PRPF3: variants seen among roughly 807,000 people sequenced by gnomAD.
PRPF3 encodes U4/U6 small nuclear ribonucleoprotein Prp3.
In PRPF3, 3 loss-of-function variants were observed where a neutral mutation model predicts 89.2. The ratio of observed to expected loss-of-function variants is 0.03; its 90% CI spans 0.02 to 0.09. PRPF3 has a LOEUF of 0.09. PRPF3 is among the 10% of genes least tolerant of loss of function. The probability of loss-of-function intolerance (pLI) is 1.00; values close to 1 mark genes in which losing one functional copy is unlikely to be tolerated. For missense variants in PRPF3, 463 were observed against 828.8 expected (o/e 0.56, Z 5.42); for synonymous variants, 270 against 289.1 (o/e 0.93, Z 0.67).
chr1:150,352,971 A>G lies in PRPF3; in HGVS notation c.2044A>G (p.Thr682Ala). The stretch of plus-strand genomic sequence containing the variant: ...GCTGAGTGAATCTGTGTTAGAGTCC[A>G]CTGATTGAGACTACTGCAAGCCCTT... ...LALSESVLES[T>A]D is the part of the protein sequence containing the mutation. Residue 682 changes from threonine (T) to alanine (A), a missense_variant, in exon 16 of 16, where the codon ACT becomes GCT. Coordinates refer to ENST00000324862, the MANE Select transcript of PRPF3 (RefSeq NM_004698.4). 1 of 1,614,012 alleles carries G rather than the reference A, an allele frequency of 6.2e-7. No individual in the cohort carries two copies.
chr1:150,346,215 G>A (rs2102017178), intron 13 of PRPF3, 79 bp downstream of exon 13: 1 of 1,389,670 alleles, frequency 7.2e-7, no homozygotes, highest in East Asian at 2.3e-5. Flanking sequence ...GGAGAAAGGA[G>A]AAAAAGATCG....
At chr1:150,337,762 T>TCA (rs1553868450) in intron 7 of PRPF3, among the ~76,000 whole-genome samples, 40,538 of 110,078 alleles carry the variant, frequency 0.37, 7,834 homozygotes, top group South Asian at 0.53. Context: ...AGACTCCGTC[T>TCA]ACAAAAAAAA....
chr1:150,348,981 T>A (rs1198336742), intron 14 of PRPF3, 176 bp from the exon 15 acceptor site: 3 of 650,042 alleles, frequency 4.6e-6, no homozygotes, highest in Non-Finnish European at 8.2e-6. Flanking sequence ...TTAATATTAC[T>A]GCCTACTTGG....
intron 12 of PRPF3, among the ~76,000 whole-genome samples, chr1:150,344,932 G>A (rs1411392720): frequency 1.3e-5 from 2 of 150,722 alleles, no homozygotes; most frequent in Non-Finnish European, 3.0e-5. Context: ...AACATCCATG[G>A]AAGCATTACA....
At chr1:150,343,562 A>G in intron 10 of PRPF3, 110 bp downstream of exon 10, 1 of 1,420,278 alleles carries the variant, frequency 7.0e-7, no homozygotes, top group Non-Finnish European at 9.7e-7. Context: ...TCTAAGAATT[A>G]TTCTTGGGGT....
At position 150,323,738 on chromosome 1, in the gene PRPF3, A is replaced by T. The variant is rs991325134; in HGVS notation, c.-48-1157A>T. 1.7e-4 allele frequency among the ~76,000 whole-genome samples: 26 copies of T among 150,820 alleles called. 1 individual carries two copies. Among genetic ancestry groups the T allele is most frequent in the African/African-American group, 5.9e-4 (24 of 41,022 alleles). ...ATAATTACCTGTATGCAGAATTCCC[A>T]CTGGGATGAATATGACCACAGAGAA... On this transcript the variant is annotated intron_variant, in intron 1 of 15. Transcript: ENST00000324862.
intron 3 of PRPF3, among the ~76,000 whole-genome samples, chr1:150,326,682 C>CCA (rs1655750685): frequency 9.7e-4 from 1 of 1,030 alleles, no homozygotes; most frequent in Non-Finnish European, 1.8e-3. Context: ...GGCTATGGAA[C>CCA]TAAAAAAAAA....
At chr1:150,326,862 C>A (rs1446992097) in intron 3 of PRPF3, among the ~76,000 whole-genome samples, 1 of 152,010 alleles carries the variant, frequency 6.6e-6, no homozygotes, top group Non-Finnish European at 1.5e-5. Context: ...CCAGGAGTTA[C>A]AATTTAGAAG....
chr1:150,331,554 G>A (rs1332630355), intron 4 of PRPF3, among the ~76,000 whole-genome samples: 3 of 151,270 alleles, frequency 2.0e-5, no homozygotes, highest in African/African-American at 7.3e-5. Context: ...TACTAGAGAC[G>A]GTGTTTCACC....
At chr1:150,352,040 C>T (rs1185719387) in intron 15 of PRPF3, among the ~76,000 whole-genome samples, 2 of 152,150 alleles carry the variant, frequency 1.3e-5, no homozygotes, top group Admixed American at 6.6e-5. Flanking sequence ...ACTGCCATTG[C>T]TGCTGGTAAC....
rs977666439 is a variant in PRPF3 at position 150,330,015 on chromosome 1, C to G, written c.423+1549C>G. On this transcript the variant is annotated intron_variant, in intron 4 of 15. Transcript: ENST00000324862. Reference sequence around the variant, plus strand: ...CCTCAAGTGATCTGCCTACCTTGGCCTCCCAAATTGCTGGGATTATAGGCG... The same window carrying G: ...CCTCAAGTGATCTGCCTACCTTGGCGTCCCAAATTGCTGGGATTATAGGCG... 2.6e-5 allele frequency: 4 copies of G among 152,206 alleles called. No individual in the cohort carries two copies. The East Asian group carries it at 5.8e-4, about 22-fold the overall frequency. 9.4% of individuals were successfully genotyped at this position (152,206 alleles called of 1,614,324 possible). A position where few individuals can be genotyped will look rare whatever the true frequency, so the allele number is the denominator to read the frequency against.
At chr1:150,324,382 A>ATC (rs2101941545) in intron 1 of PRPF3, among the ~76,000 whole-genome samples, 1 of 152,320 alleles carries the variant, frequency 6.6e-6, no homozygotes, top group Non-Finnish European at 1.5e-5. Flanking sequence ...GATTTCATTG[A>ATC]TCAACTTAAG....
rs587704985 is a variant in PRPF3 at position 150,349,160 on chromosome 1, A to T, written c.1847A>T (p.Asp616Val). 2.9e-5 allele frequency: 46 copies of T among 1,613,278 alleles called. No individual in the cohort carries two copies. The South Asian group carries it at 4.7e-4, about 17-fold the overall frequency. Residue 616 changes from aspartate to valine, a missense_variant, in exon 15 of 16, where the codon GAT (aspartate) becomes GTT (valine). Around this residue, in one of 8 missense-constraint regions of PRPF3, gnomAD observed 78 missense variants for 96.6 expected, o/e 0.81. Transcript: ENST00000324862. The part of the protein sequence containing the change: ...EQTSNTKGDD[D>V]EESDEEAVKK... ...TGTAACAAGATTTCTCTTCCAGATG[A>T]TGAGGAGTCTGATGAGGAAGCTGTG...
At position 150,346,433 on chromosome 1, in the gene PRPF3, G is replaced by C. The variant is rs782387249; in HGVS notation, c.1785G>C (p.Lys595Asn). The C allele has an allele frequency of 6.2e-7, 1 of 1,614,012 alleles. No individual in the cohort carries two copies. The highest frequency in any genetic ancestry group is 1.1e-5 in the South Asian group (1 of 91,078). ...EGGPKAQKKF[K>N]RLMLHRIKWD... Reference sequence around the variant, plus strand: ...GCCCCAAGGCCCAGAAGAAATTTAAGCGTCTTATGCTGCATCGGATAAAGT... The same window carrying C: ...GCCCCAAGGCCCAGAAGAAATTTAACCGTCTTATGCTGCATCGGATAAAGT... Residue 595 changes from lysine to asparagine, a missense_variant, in exon 14 of 16, where the codon AAG (lysine) becomes AAC (asparagine). Physicochemically the swap from Lys to Asn is moderately conservative, Grantham distance 94. Coordinates refer to ENST00000324862, the MANE Select transcript of PRPF3 (RefSeq NM_004698.4).
rs1397128003 is a variant in PRPF3, at chr1:150,328,357, C to T, written c.314C>T (p.Ser105Leu). Reference protein sequence around the residue: ...FGDDSEISKESSGVKKRRIPR... With the variant: ...FGDDSEISKELSGVKKRRIPR... ...GATGACTCTGAGATCTCTAAAGAATCATCAGGAGTAAAGAAGCGACGAATA... is the reference window on the plus strand; with the variant it reads ...GATGACTCTGAGATCTCTAAAGAATTATCAGGAGTAAAGAAGCGACGAATA... The change falls in exon 4 of 16, where the codon TCA (serine) becomes TTA (leucine). Residue 105 changes from serine (S) to leucine (L), a missense_variant. Coordinates refer to ENST00000324862, the MANE Select transcript of PRPF3 (RefSeq NM_004698.4). 3 of 1,613,776 alleles carry T rather than the reference C, an allele frequency of 1.9e-6. No homozygotes were observed. The highest frequency in any genetic ancestry group is 2.5e-6 in the Non-Finnish European group (3 of 1,180,012).
chr1:150,342,826 A>T (rs1284394905), intron 9 of PRPF3, among the ~76,000 whole-genome samples: 12 of 151,948 alleles, frequency 7.9e-5, no homozygotes, highest in African/African-American at 2.9e-4. Context: ...TGGCCTCAAT[A>T]TATTTTTTAC....
At chr1:150,341,097 C>A (rs1245015659) in intron 9 of PRPF3, among the ~76,000 whole-genome samples, 3 of 119,046 alleles carry the variant, frequency 2.5e-5, no homozygotes, top group African/African-American at 1.0e-4. Flanking sequence ...TACTGCCAGA[C>A]CTTGTCTCAA....
chr1:150,322,372 G>C (rs185184451), intron 1 of PRPF3, among the ~76,000 whole-genome samples: 5 of 152,210 alleles, frequency 3.3e-5, no homozygotes, highest in Admixed American at 2.6e-4. Flanking sequence ...TTTGTAAGAT[G>C]GTAAACTGTG....
chr1:150,328,951 C>CA (rs1198260043), intron 4 of PRPF3, among the ~76,000 whole-genome samples: 4 of 151,966 alleles, frequency 2.6e-5, no homozygotes, highest in Admixed American at 2.6e-4. Flanking sequence ...CTTCGCCTCC[C>CA]AGAGTGCTGG....
Sources: gnomAD v4.1 joint callset for allele counts (sites outside exome capture counted in the v4.1 genomes callset) on GRCh38, gnomAD v4.1.1 for gene constraint, gnomAD v4.1.1 regional missense constraint, MANE v1.5 for transcripts, NCBI Gene and HGNC (gene_info 2026-07-23, HGNC 2026-07-21) for gene names.